Variants in MTPN observed in about 807,000 individuals in gnomAD.
The protein encoded by MTPN is granule cell differentiation protein.
In MTPN, 2 loss-of-function variants were observed where a neutral mutation model predicts 13.5. The ratio of observed to expected loss-of-function variants is 0.15; its 90% CI spans 0.06 to 0.47. The LOEUF (loss-of-function observed/expected upper bound fraction) is 0.47. Ranked by LOEUF, MTPN falls within the 20% of genes least tolerant of loss-of-function variation. The pLI is 0.97. For synonymous variants in MTPN, 46 were observed against 51.7 expected, an observed-to-expected ratio of 0.89 and a Z score of 0.48; for missense variants, 79 against 137.9, an observed-to-expected ratio of 0.57 and a Z score of 2.14.
At chr7:135,950,380 A>G (rs79786354) in intron 3 of MTPN, among the ~76,000 whole-genome samples, 8,275 of 152,258 alleles carry the variant, frequency 0.054, 280 homozygotes, top group East Asian at 0.093. Context: ...TTTTCTTGAC[A>G]AAGAAGACTG....
intron 1 of MTPN, among the ~76,000 whole-genome samples, chr7:135,971,437 A>G (rs1799692474): frequency 6.6e-6 from 1 of 151,590 alleles, no homozygotes; most frequent in Non-Finnish European, 1.5e-5. Context: ...TATTTTTACT[A>G]TTTACTCAAT....
intron 1 of MTPN, among the ~76,000 whole-genome samples, chr7:135,974,907 T>G (rs1174802022): frequency 6.6e-6 from 1 of 152,254 alleles, no homozygotes; most frequent in Non-Finnish European, 1.5e-5. Flanking sequence ...CTTCAGTTCT[T>G]GTTATTATTT....
intron 3 of MTPN, among the ~76,000 whole-genome samples, chr7:135,944,486 G>T (rs866701937): frequency 7.9e-5 from 12 of 151,940 alleles, no homozygotes; most frequent in Middle Eastern, 6.8e-3. Flanking sequence ...GACCAGCCTG[G>T]TCAACATGGC....
chr7:135,957,922 G>A (rs899056515), intron 1 of MTPN, among the ~76,000 whole-genome samples: 1 of 152,052 alleles, frequency 6.6e-6, no homozygotes, highest in African/African-American at 2.4e-5. Flanking sequence ...ACAGATGCAG[G>A]TGCCCAATCT....
chr7:135,958,264 T>G (rs1799473012), intron 1 of MTPN, among the ~76,000 whole-genome samples: 1 of 152,134 alleles, frequency 6.6e-6, no homozygotes, highest in African/African-American at 2.4e-5. Flanking sequence ...GAACAATGTC[T>G]TACTTGTTTA....
chr7:135,960,867 G>A (rs761975809), intron 1 of MTPN: 6 of 151,580 alleles, frequency 4.0e-5, no homozygotes, highest in Non-Finnish European at 7.4e-5. Flanking sequence ...CATCTACAGA[G>A]TAATCAAAAT....
At chr7:135,955,715 A>G (rs1199935780) in intron 1 of MTPN, among the ~76,000 whole-genome samples, 1 of 152,242 alleles carries the variant, frequency 6.6e-6, no homozygotes, top group African/African-American at 2.4e-5. Flanking sequence ...TGTAAAAAGG[A>G]TAATATACCA....
intron 1 of MTPN, among the ~76,000 whole-genome samples, chr7:135,961,129 C>T (rs1328572395): frequency 1.3e-5 from 2 of 151,794 alleles, no homozygotes; most frequent in African/African-American, 2.4e-5. Flanking sequence ...AGAAATTTTC[C>T]CAGAATACCG....
At chr7:135,936,080 C>T (rs1356021300) in intron 3 of MTPN, among the ~76,000 whole-genome samples, 1 of 152,184 alleles carries the variant, frequency 6.6e-6, no homozygotes, top group Non-Finnish European at 1.5e-5. Context: ...GATTGTTTTA[C>T]ATATTTGTCT....
intron 1 of MTPN, among the ~76,000 whole-genome samples, chr7:135,965,594 T>C (rs1799592291): frequency 6.6e-6 from 1 of 152,126 alleles, no homozygotes; most frequent in African/African-American, 2.4e-5. Flanking sequence ...TGCACAAAAC[T>C]ATCTTTACTT....
rs1584801593 is a variant in MTPN, at chr7:135,927,328, T to C, written c.*2598A>G. On this transcript the variant is annotated 3_prime_UTR_variant, in exon 4 of 4. Transcript: ENST00000393085. ...TACTTGGGATATTCAAGTGCTGTAT[T>C]TGAACGATAAGCCTATAGATAACAG... 6.4e-7 allele frequency: 1 copy of C among 1,551,220 alleles called. No individual in the cohort carries two copies. The highest frequency in any genetic ancestry group is 8.7e-7 in the Non-Finnish European group (1 of 1,146,792).
intron 3 of MTPN, among the ~76,000 whole-genome samples, chr7:135,947,634 A>AACTG (rs901367311): frequency 1.3e-5 from 2 of 152,114 alleles, no homozygotes; most frequent in African/African-American, 2.4e-5. Context: ...ATTTCTCATT[A>AACTG]ACTGACCTGA....
chr7:135,954,422 T>C (rs1799409756), intron 1 of MTPN, among the ~76,000 whole-genome samples: 1 of 152,240 alleles, frequency 6.6e-6, no homozygotes, highest in Non-Finnish European at 1.5e-5. Context: ...CGAACTAGCA[T>C]ACCACCTTAG....
chr7:135,945,707 C>T (rs993602058), intron 3 of MTPN, among the ~76,000 whole-genome samples: 3 of 151,290 alleles, frequency 2.0e-5, no homozygotes, highest in African/African-American at 4.9e-5. Context: ...TTTACATTAA[C>T]TTTTTTTTTA....
At chr7:135,964,127 A>G (rs1448341958) in intron 1 of MTPN, among the ~76,000 whole-genome samples, 4 of 152,050 alleles carry the variant, frequency 2.6e-5, no homozygotes, top group Admixed American at 2.6e-4. Flanking sequence ...ATAAGATTCT[A>G]ATTCATGGCT....
chr7:135,953,497 G>C (rs1799395593), intron 1 of MTPN, among the ~76,000 whole-genome samples: 1 of 152,098 alleles, frequency 6.6e-6, no homozygotes, highest in Admixed American at 6.5e-5. Flanking sequence ...TGGAGTTGTG[G>C]GGGTTAAACT....
At chr7:135,972,231 G>GCGCGCGCGCGCACACACACA (rs779296906) in intron 1 of MTPN, among the ~76,000 whole-genome samples, 4 of 124,700 alleles carry the variant, frequency 3.2e-5, no homozygotes, top group African/African-American at 1.2e-4. Context: ...GCACGCGCGC[G>GCGCGCGCGCGCACACACACA]CACACACACA....
intron 3 of MTPN, among the ~76,000 whole-genome samples, chr7:135,944,724 TTATTTC>T (rs1392629486): frequency 6.6e-6 from 1 of 152,094 alleles, no homozygotes; most frequent in Admixed American, 6.5e-5. Context: ...CAAACTACTA[TTATTTC>T]TCTTACAGAA....
intron 1 of MTPN, among the ~76,000 whole-genome samples, chr7:135,956,200 G>A (rs1799441876): frequency 6.6e-6 from 1 of 152,178 alleles, no homozygotes; most frequent in Non-Finnish European, 1.5e-5. Flanking sequence ...CAATAGTGGT[G>A]ATGAAATAGG....
Sources: allele counts gnomAD v4.1 joint callset (sites outside exome capture counted in the v4.1 genomes callset), GRCh38; gene constraint gnomAD v4.1.1; transcripts MANE v1.5; gene names NCBI Gene and HGNC (gene_info 2026-07-23, HGNC 2026-07-21).